The following WWOX variants were observed in gnomAD, a reference collection of about 807,000 sequenced individuals.
WWOX encodes the protein WW domain-containing oxidoreductase.
Under a neutral mutation model 46.2 loss-of-function variants are expected in WWOX, and 69 were observed. The ratio of observed to expected loss-of-function variants is 1.49; its 90% confidence interval spans 1.23 to 1.82. The LOEUF (loss-of-function observed/expected upper bound fraction) is 1.82. Among genes scored for constraint, WWOX ranks in the 40% most tolerant of loss-of-function variants. The pLI, the probability that WWOX is intolerant of heterozygous loss-of-function variation, is 0.00. For missense variants in WWOX, 919 were observed against 542.6 expected (o/e 1.69, Z -6.89); for synonymous variants, 359 against 202.6 (o/e 1.77, Z -6.56).
intron 8 of WWOX, among the ~76,000 whole-genome samples, chr16:79,090,530 G>A (rs1251288302): frequency 6.6e-6 from 1 of 152,148 alleles, no homozygotes; most frequent in Non-Finnish European, 1.5e-5. Flanking sequence ...AGACATGCAA[G>A]CAAGGATAAG....
intron 1 of WWOX, among the ~76,000 whole-genome samples, chr16:78,104,363 A>G (rs1342126759): frequency 4.2e-5 from 3 of 71,062 alleles, no homozygotes; most frequent in Non-Finnish European, 9.6e-5. Flanking sequence ...ACGCACATAC[A>G]CACACACACA....
chr16:78,237,548 C>G (rs2037483612), intron 5 of WWOX: 1 of 152,134 alleles, frequency 6.6e-6, no homozygotes, highest in African/African-American at 2.4e-5. Context: ...GTGGTTCTCA[C>G]TCTGGGAGAG....
intron 8 of WWOX, among the ~76,000 whole-genome samples, chr16:78,754,141 C>G (rs867434247): frequency 2.0e-5 from 3 of 152,156 alleles, no homozygotes; most frequent in Middle Eastern, 3.4e-3. Flanking sequence ...CTCTTTTGCT[C>G]TGTGGCAGCT....
intron 8 of WWOX, among the ~76,000 whole-genome samples, chr16:78,597,524 T>C (rs1347945037): frequency 1.3e-5 from 2 of 152,190 alleles, no homozygotes; most frequent in Admixed American, 6.5e-5. Context: ...GCTTTCTGCT[T>C]TCAGAAACAA....
chr16:78,151,105 G>A (rs1332132647), intron 4 of WWOX, among the ~76,000 whole-genome samples: 1 of 149,988 alleles, frequency 6.7e-6, no homozygotes, highest in Non-Finnish European at 1.5e-5. Flanking sequence ...TCAAACCCTT[G>A]GGTTTAAGTG....
intron 8 of WWOX, among the ~76,000 whole-genome samples, chr16:79,181,047 T>C (rs1161861822): frequency 2.0e-5 from 3 of 152,178 alleles, no homozygotes; most frequent in Non-Finnish European, 4.4e-5. Flanking sequence ...TTTAAATAAG[T>C]CAAACAATAT....
chr16:79,176,832 T>G, intron 8 of WWOX, among the ~76,000 whole-genome samples: 1 of 152,142 alleles, frequency 6.6e-6, no homozygotes, highest in East Asian at 1.9e-4. Flanking sequence ...AAGAGTAATA[T>G]AGTAATTCAT....
chr16:78,386,796 A>G (rs2082070351), intron 5 of WWOX, 64 bp from the exon 6 acceptor site: 1 of 1,413,254 alleles, frequency 7.1e-7, no homozygotes, highest in Non-Finnish European at 1.0e-6. Context: ...CATTTACTGT[A>G]ACTTGATACC....
At chr16:78,597,750 A>G (rs2045524067) in intron 8 of WWOX, among the ~76,000 whole-genome samples, 2 of 116,160 alleles carry the variant, frequency 1.7e-5, no homozygotes, top group South Asian at 3.3e-4. Flanking sequence ...ATATGAGTTT[A>G]TTTATATGTG....
At chr16:79,022,544 C>T (rs747324326) in intron 8 of WWOX, among the ~76,000 whole-genome samples, 3 of 152,242 alleles carry the variant, frequency 2.0e-5, no homozygotes, top group Admixed American at 6.5e-5. Context: ...TGCTCATTCT[C>T]TTTCCAATAA....
chr16:79,043,040 C>T (rs567804647), intron 8 of WWOX, among the ~76,000 whole-genome samples: 1 of 152,172 alleles, frequency 6.6e-6, no homozygotes, highest in South Asian at 2.1e-4. Flanking sequence ...GGGACAGGCT[C>T]TCCTGTCATC....
intron 8 of WWOX, among the ~76,000 whole-genome samples, chr16:78,596,319 G>T (rs902734469): frequency 6.6e-6 from 1 of 152,052 alleles, no homozygotes; most frequent in Non-Finnish European, 1.5e-5. Context: ...GCTAGGCCTG[G>T]GTCTACAGCA....
chr16:78,417,796 G>C (rs1416849612), intron 6 of WWOX, among the ~76,000 whole-genome samples: 2 of 152,158 alleles, frequency 1.3e-5, no homozygotes, highest in African/African-American at 4.8e-5. Flanking sequence ...GGGCTATTGA[G>C]GGACTGTGTA....
chr16:78,323,535 T>C (rs972410250), intron 5 of WWOX, among the ~76,000 whole-genome samples: 15 of 152,156 alleles, frequency 9.9e-5, no homozygotes, highest in African/African-American at 3.6e-4. Flanking sequence ...ACTAATAGGT[T>C]ACTGGGTTTG....
intron 1 of WWOX, 66 bp from the exon 2 acceptor site, chr16:78,108,357 A>G (rs1232397850): frequency 6.6e-7 from 1 of 1,512,798 alleles, no homozygotes; most frequent in Non-Finnish European, 9.1e-7. Context: ...AAAATTTAAT[A>G]CAATTGATTA....
chr16:79,169,212 G>A (rs1291863831), intron 8 of WWOX, among the ~76,000 whole-genome samples: 1 of 152,186 alleles, frequency 6.6e-6, no homozygotes, highest in Non-Finnish European at 1.5e-5. Flanking sequence ...TTCAGAGACA[G>A]GGGCATTTGG....
chr16:78,187,100 A>G (rs2035734971), intron 5 of WWOX, among the ~76,000 whole-genome samples: 1 of 152,180 alleles, frequency 6.6e-6, no homozygotes, highest in South Asian at 2.1e-4. Flanking sequence ...CATCTCCCCA[A>G]AGAAACACCC....
chr16:78,420,651 A>ATGGTTTTTTTTT (rs75985674), intron 6 of WWOX, among the ~76,000 whole-genome samples: 1 of 139,144 alleles, frequency 7.2e-6, no homozygotes. Context: ...GTGATTGCTA[A>ATGGTTTTTTTTT]TTTTTTTTTT....
At chr16:79,094,967 A>C (rs1048840064) in intron 8 of WWOX, among the ~76,000 whole-genome samples, 14 of 152,080 alleles carry the variant, frequency 9.2e-5, no homozygotes, top group African/African-American at 3.1e-4. Flanking sequence ...CAGCTTCTGA[A>C]TTCTTCGGGC....
Sources: gnomAD v4.1 joint callset for allele counts (sites outside exome capture counted in the v4.1 genomes callset) on GRCh38, gnomAD v4.1.1 for gene constraint, MANE v1.5 for transcripts, NCBI Gene and HGNC (gene_info 2026-07-23, HGNC 2026-07-21) for gene names.